Variants in MORC3 observed in about 807,000 individuals in gnomAD.
The protein encoded by MORC3 is MORC family CW-type zinc finger protein 3.
MORC3 carries 31 observed loss-of-function variants against 109.1 expected under a neutral mutation model. That is an observed-to-expected ratio of 0.28 (90% CI 0.21 to 0.38). MORC3 has a LOEUF of 0.38. Ranked by LOEUF, MORC3 falls within the 10% of genes least tolerant of loss-of-function variation. The pLI, the probability that MORC3 is intolerant of heterozygous loss-of-function variation, is 1.00. For synonymous variants in MORC3, 395 were observed against 380.7 expected (o/e 1.04, Z -0.44); for missense variants, 867 against 1,135.8 (o/e 0.76, Z 3.40).
At chr21:36,345,394 G>T (rs987379011) in intron 8 of MORC3, among the ~76,000 whole-genome samples, 1 of 151,796 alleles carries the variant, frequency 6.6e-6, no homozygotes, top group Non-Finnish European at 1.5e-5. Flanking sequence ...GGGACTACAG[G>T]TGCATGCCAC....
chr21:36,363,596 T>C (rs78081512), intron 13 of MORC3, among the ~76,000 whole-genome samples: 2,265 of 152,328 alleles, frequency 0.015, 52 homozygotes, highest in African/African-American at 0.052. Flanking sequence ...ATGAACTTTA[T>C]TGAATACTGA....
intron 15 of MORC3, 23 bp from the exon 16 acceptor site, chr21:36,372,351 A>G (rs1015889716): frequency 6.5e-7 from 1 of 1,530,714 alleles, no homozygotes; most frequent in African/African-American, 1.4e-5. Flanking sequence ...TACAGTTATA[A>G]AGCTCATTTA....
intron 14 of MORC3, 143 bp from the exon 15 acceptor site, chr21:36,368,845 C>G (rs1338822386): frequency 8.0e-6 from 6 of 750,334 alleles, no homozygotes; most frequent in South Asian, 2.0e-5. Context: ...CCATTGCACT[C>G]TAGCCTGGGC....
rs765189936 is a variant in MORC3 at position 36,341,558 on chromosome 21, G to C, written c.756+12G>C. The C allele has an allele frequency of 9.9e-6, 16 of 1,613,564 alleles. No homozygotes were observed. Among genetic ancestry groups the C allele is most frequent in the Non-Finnish European group, 7.6e-6 (9 of 1,179,902 alleles). ...ACTATTCCCTGAGGGTATGTATTCAGCTCTCTTTGTGGAAGTGAGAAAATC... is the reference window on the plus strand; with the variant it reads ...ACTATTCCCTGAGGGTATGTATTCACCTCTCTTTGTGGAAGTGAGAAAATC... On this transcript the variant is annotated intron_variant, in intron 6 of 16. Coordinates refer to ENST00000400485, the MANE Select transcript of MORC3 (RefSeq NM_015358.3).
intron 4 of MORC3, among the ~76,000 whole-genome samples, chr21:36,338,517 A>G (rs2297254): frequency 0.098 from 14,867 of 152,016 alleles, 1,288 homozygotes; most frequent in East Asian, 0.4. Flanking sequence ...GGGAGACCCT[A>G]TCTCTACAAA....
intron 10 of MORC3, among the ~76,000 whole-genome samples, chr21:36,359,556 CTTTTTTTTTTTTTTT>C (rs5843757): frequency 4.3e-5 from 4 of 93,952 alleles, no homozygotes; most frequent in African/African-American, 9.7e-5. Flanking sequence ...CTTTCCTCTC[CTTTTTTTTTTTTTTT>C]TTTTTTTTTT....
intron 15 of MORC3, among the ~76,000 whole-genome samples, chr21:36,371,707 T>G (rs2085869721): frequency 6.6e-6 from 1 of 152,176 alleles, no homozygotes; most frequent in Admixed American, 6.5e-5. Context: ...CATAAACTCA[T>G]TATTGTAACT....
intron 10 of MORC3, 139 bp downstream of exon 10, chr21:36,356,863 C>A: frequency 2.0e-6 from 1 of 495,798 alleles, no homozygotes; most frequent in Non-Finnish European, 3.6e-6. Flanking sequence ...TAGCGCACTG[C>A]AAAATCAGTG....
At chr21:36,370,311 C>T (rs1665948252) in intron 15 of MORC3, among the ~76,000 whole-genome samples, 2 of 152,060 alleles carry the variant, frequency 1.3e-5, no homozygotes, top group Non-Finnish European at 2.9e-5. Context: ...AGGAGAGGGC[C>T]TCCTGGAGGC....
At chr21:36,333,995 G>A (rs940088883) in intron 2 of MORC3, among the ~76,000 whole-genome samples, 4 of 151,798 alleles carry the variant, frequency 2.6e-5, no homozygotes, top group Non-Finnish European at 5.9e-5. Context: ...CACTGTGTTA[G>A]CCAGGATGGT....
chr21:36,356,512 A>G, intron 9 of MORC3, 108 bp from the exon 10 acceptor site: 1 of 542,002 alleles, frequency 1.8e-6, no homozygotes, highest in Non-Finnish European at 3.1e-6. Flanking sequence ...TATTAACTAT[A>G]TGTTTTGGAG....
intron 8 of MORC3, among the ~76,000 whole-genome samples, chr21:36,347,390 C>T (rs371275315): frequency 6.6e-6 from 1 of 152,110 alleles, no homozygotes; most frequent in African/African-American, 2.4e-5. Context: ...CTGACTTAAC[C>T]AAGATATATA....
At chr21:36,367,609 G>A (rs1294023063) in intron 14 of MORC3, among the ~76,000 whole-genome samples, 1 of 152,194 alleles carries the variant, frequency 6.6e-6, no homozygotes, top group Non-Finnish European at 1.5e-5. Context: ...GTAGGCACTG[G>A]TATGGTGTAG....
At chr21:36,333,573 G>T in intron 1 of MORC3, 73 bp from the exon 2 acceptor site, 1 of 1,223,318 alleles carries the variant, frequency 8.2e-7, no homozygotes. Flanking sequence ...TTTAACACAG[G>T]GATAAAAATA....
intron 1 of MORC3, among the ~76,000 whole-genome samples, chr21:36,333,164 A>G (rs1310008959): frequency 6.6e-6 from 1 of 152,212 alleles, no homozygotes; most frequent in African/African-American, 2.4e-5. Context: ...TTCAGCTATA[A>G]TGAACTTGGA....
At chr21:36,356,474 A>G (rs1227594594) in intron 9 of MORC3, 146 bp from the exon 10 acceptor site, 22 of 382,548 alleles carry the variant, frequency 5.8e-5, no homozygotes, top group Non-Finnish European at 4.8e-6. Context: ...TGTGTTGTTC[A>G]AGGGTCACCT....
In MORC3 at chr21:36,333,779, GT is replaced by G. The variant is rs2085341900; in HGVS notation, c.112+65del. ...TTACAATTGTAGTGTTTTTTTTTTT[GT>G]TTTGTTTTGTTTTTTTTTTTTAAAC... On this transcript the variant is annotated intron_variant, in intron 2 of 16. Transcript: ENST00000400485. The G allele has an allele frequency of 8.5e-6, 10 of 1,178,364 alleles. No homozygotes were observed. In the African/African-American group the frequency reaches 1.8e-4, roughly 21 times the overall value. 73.0% of individuals were successfully genotyped at this position (1,178,364 alleles called of 1,614,324 possible).
chr21:36,371,938 C>T (rs771918882), intron 15 of MORC3, among the ~76,000 whole-genome samples: 2 of 151,908 alleles, frequency 1.3e-5, no homozygotes, highest in Non-Finnish European at 2.9e-5. Flanking sequence ...CTCAGCCTCC[C>T]GAGTAGCTGA....
At chr21:36,329,951 C>T (rs1327787839) in intron 1 of MORC3, among the ~76,000 whole-genome samples, 9 of 152,026 alleles carry the variant, frequency 5.9e-5, no homozygotes, top group Non-Finnish European at 1.3e-4. Flanking sequence ...TAACCTCCGC[C>T]TCCTGAGTTC....
Sources: gnomAD v4.1 joint callset for allele counts (sites outside exome capture counted in the v4.1 genomes callset) on GRCh38, gnomAD v4.1.1 for gene constraint, MANE v1.5 for transcripts, NCBI Gene and HGNC (gene_info 2026-07-23, HGNC 2026-07-21) for gene names.